NAA30: variants seen among roughly 807,000 people sequenced by gnomAD.
NAA30 encodes N-alpha-acetyltransferase 30.
NAA30 carries 5 observed loss-of-function variants against 31.4 expected under a neutral mutation model. The observed-to-expected ratio is 0.16, with a 90% confidence interval of 0.08 to 0.33. NAA30 has a LOEUF of 0.33. NAA30 is among the 10% of genes least tolerant of loss of function. The probability of loss-of-function intolerance (pLI) is 1.00; values close to 1 mark genes in which losing one functional copy is unlikely to be tolerated. For missense variants in NAA30, 428 were observed against 490.8 expected, an observed-to-expected ratio of 0.87 and a Z score of 1.21; for synonymous variants, 222 against 207.1, an observed-to-expected ratio of 1.07 and a Z score of -0.62.
At chr14:57,397,648 C>G (rs920945143) in intron 3 of NAA30, among the ~76,000 whole-genome samples, 3 of 152,164 alleles carry the variant, frequency 2.0e-5, no homozygotes, top group Non-Finnish European at 4.4e-5. Context: ...CACCAGGTGC[C>G]GGGTGCGGTG....
At chr14:57,398,114 G>A (rs2066459084) in intron 3 of NAA30, among the ~76,000 whole-genome samples, 2 of 152,184 alleles carry the variant, frequency 1.3e-5, no homozygotes, top group Admixed American at 6.5e-5. Context: ...ACTATTAAGT[G>A]TTATTGTCCA....
At position 57,414,518 on chromosome 14, in the gene NAA30, T is replaced by A. The variant is rs1445399897; in HGVS notation, c.*5002T>A. 6.6e-6 allele frequency: 1 copy of A among 152,228 alleles called. No individual in the cohort carries two copies. Among genetic ancestry groups the A allele is most frequent in the African/African-American group, 2.4e-5 (1 of 41,452 alleles). The allele number at this position is 152,228 out of a possible 1,614,324, so 9.4% of individuals were successfully genotyped here. On this transcript the variant is annotated 3_prime_UTR_variant, in exon 5 of 5. Transcript: ENST00000556492. ...AGTTGGCTCTAATAATTTCTCATTT[T>A]TGATGAATTTGAAATCATTTCACTT...
At chr14:57,406,182 A>G (rs2066497588) in intron 4 of NAA30, among the ~76,000 whole-genome samples, 1 of 152,188 alleles carries the variant, frequency 6.6e-6, no homozygotes, top group Non-Finnish European at 1.5e-5. Context: ...TAGATTAGAC[A>G]TTGGTGTAAC....
intron 2 of NAA30, among the ~76,000 whole-genome samples, chr14:57,394,765 A>G (rs1051530272): frequency 3.9e-5 from 6 of 152,168 alleles, no homozygotes; most frequent in African/African-American, 1.4e-4. Flanking sequence ...ATTCCTGTTC[A>G]GATTGAAAGT....
At chr14:57,403,551 A>AT (rs2066486082) in intron 4 of NAA30, among the ~76,000 whole-genome samples, 1 of 152,192 alleles carries the variant, frequency 6.6e-6, no homozygotes, top group Non-Finnish European at 1.5e-5. Flanking sequence ...TAGCTAAAAA[A>AT]TTTTTTCATT....
At chr14:57,403,289 A>G (rs902662939) in intron 4 of NAA30, among the ~76,000 whole-genome samples, 12 of 150,432 alleles carry the variant, frequency 8.0e-5, no homozygotes, top group East Asian at 1.9e-4. Flanking sequence ...TACTGTGCAC[A>G]TCAAACAATT....
chr14:57,399,589 A>G (rs1245065246), intron 3 of NAA30, among the ~76,000 whole-genome samples: 1 of 152,188 alleles, frequency 6.6e-6, no homozygotes, highest in Non-Finnish European at 1.5e-5. Context: ...ATTATGTCTG[A>G]GAAAAAGGAG....
chr14:57,392,312 G>T (rs897275028), intron 2 of NAA30, among the ~76,000 whole-genome samples: 4 of 152,076 alleles, frequency 2.6e-5, no homozygotes, highest in African/African-American at 7.2e-5. Flanking sequence ...TCCAGAAAGC[G>T]CTACTAACAC....
chr14:57,395,984 TC>T (rs1167968547), intron 2 of NAA30, among the ~76,000 whole-genome samples: 1 of 152,224 alleles, frequency 6.6e-6, no homozygotes, highest in East Asian at 1.9e-4. Flanking sequence ...TTCATTTTTT[TC>T]TTTTATTGAG....
At position 57,414,477 on chromosome 14, in the gene NAA30, C is replaced by T. The variant is rs938422113; in HGVS notation, c.*4961C>T. 2 of 152,096 alleles carry T rather than the reference C, an allele frequency of 1.3e-5. No individual in the cohort carries two copies. Among genetic ancestry groups the T allele is most frequent in the African/African-American group, 2.4e-5 (1 of 41,400 alleles). The allele number at this position is 152,096 out of a possible 1,614,324, so 9.4% of individuals were successfully genotyped here. Reference sequence around the variant, plus strand: ...TTCTGATGAGACTTACCTTTTTAGCCTTAAAATATTTGTATAGTTGGCTCT... The same window carrying T: ...TTCTGATGAGACTTACCTTTTTAGCTTTAAAATATTTGTATAGTTGGCTCT... On this transcript the variant is annotated 3_prime_UTR_variant, in exon 5 of 5. Coordinates refer to ENST00000556492, the MANE Select transcript of NAA30 (RefSeq NM_001011713.3).
intron 3 of NAA30, among the ~76,000 whole-genome samples, chr14:57,397,318 T>C (rs2066454892): frequency 6.6e-6 from 1 of 152,228 alleles, no homozygotes; most frequent in Non-Finnish European, 1.5e-5. Flanking sequence ...TCATCAACTA[T>C]ATATTGCAAT....
chr14:57,411,749 AT>A lies in NAA30; in HGVS notation c.*2238del, dbSNP rs1433402556. On this transcript the variant is annotated 3_prime_UTR_variant, in exon 5 of 5. Transcript: ENST00000556492. Reference sequence around the variant, plus strand: ...TGTCTTTAATTGGGTATGCAAAAAAATTTTTACTTAAGTAGATTAAAATTTT... The same window carrying A: ...TGTCTTTAATTGGGTATGCAAAAAAATTTTACTTAAGTAGATTAAAATTTT... The A allele has an allele frequency of 6.6e-6, 1 of 152,156 alleles. No individual in the cohort carries two copies. Among genetic ancestry groups the A allele is most frequent in the Non-Finnish European group, 1.5e-5 (1 of 67,998 alleles). The allele number at this position is 152,156 out of a possible 1,614,324, so 9.4% of individuals were successfully genotyped here. A position where few individuals can be genotyped will look rare whatever the true frequency, so the allele number is the denominator to read the frequency against.
chr14:57,408,510 C>G (rs1271804772), intron 4 of NAA30, among the ~76,000 whole-genome samples: 1 of 152,182 alleles, frequency 6.6e-6, no homozygotes, highest in East Asian at 1.9e-4. Context: ...CAGTGGTTCT[C>G]AAAATGTGGT....
In NAA30 at chr14:57,410,525, G is replaced by A. The variant is rs989717247; in HGVS notation, c.*1009G>A. ...GTAGCTGAATTTGTTTTTCCCACTT[G>A]ATTTGGATTCACATTGCTTTCATTT... On this transcript the variant is annotated 3_prime_UTR_variant, in exon 5 of 5. Transcript: ENST00000556492. 6.6e-6 allele frequency: 1 copy of A among 152,388 alleles called. No homozygotes were observed. The highest frequency in any genetic ancestry group is 2.4e-5 in the African/African-American group (1 of 41,432). 9.4% of individuals were successfully genotyped at this position (152,388 alleles called of 1,614,324 possible). A position where few individuals can be genotyped will look rare whatever the true frequency, so the allele number is the denominator to read the frequency against.
intron 4 of NAA30, among the ~76,000 whole-genome samples, chr14:57,401,839 C>G (rs1481645383): frequency 1.3e-5 from 2 of 152,120 alleles, no homozygotes; most frequent in African/African-American, 2.4e-5. Flanking sequence ...GTTTTGGTCT[C>G]AAGGTTAAAT....
rs1672688172 is a variant in NAA30, at chr14:57,415,157, C to A, written c.*5641C>A. 1 of 152,100 alleles carries A rather than the reference C, an allele frequency of 6.6e-6. No homozygotes were observed. Among genetic ancestry groups the A allele is most frequent in the Non-Finnish European group, 1.5e-5 (1 of 68,020 alleles). 9.4% of individuals were successfully genotyped at this position (152,100 alleles called of 1,614,324 possible). A position where few individuals can be genotyped will look rare whatever the true frequency, so the allele number is the denominator to read the frequency against. On this transcript the variant is annotated 3_prime_UTR_variant, in exon 5 of 5. Transcript: ENST00000556492. ...TACCATATACTAGGAGAAGGACCTG[C>A]TTTTAAAGAAATTGTGTAAAGACAT...
At position 57,410,756 on chromosome 14, in the gene NAA30, T is replaced by A. The variant is rs557325107; in HGVS notation, c.*1240T>A. The A allele has an allele frequency of 6.6e-6, 1 of 152,650 alleles. No homozygotes were observed. Among genetic ancestry groups the A allele is most frequent in the South Asian group, 2.1e-4 (1 of 4,832 alleles). 9.5% of individuals were successfully genotyped at this position (152,650 alleles called of 1,614,324 possible). A position where few individuals can be genotyped will look rare whatever the true frequency, so the allele number is the denominator to read the frequency against. On this transcript the variant is annotated 3_prime_UTR_variant, in exon 5 of 5. Transcript: ENST00000556492. ...GGGTTTTCTTAACAGCCACCATGTT[T>A]ATTAGTTACATTGTGTTTTGGCCAA...
rs530138470 is a variant in NAA30 at position 57,391,962 on chromosome 14, C to G, written c.771+234C>G. 4.9e-4 allele frequency among the ~76,000 whole-genome samples: 74 copies of G among 152,238 alleles called. No individual in the cohort carries two copies. The highest frequency in any genetic ancestry group is 1.8e-3 in the African/African-American group (73 of 41,544). On this transcript the variant is annotated intron_variant, in intron 2 of 4. Coordinates refer to ENST00000556492, the MANE Select transcript of NAA30 (RefSeq NM_001011713.3). This position sits in a 1 kb window ranked among gnomAD's most constrained non-coding sequence, Gnocchi z 4.1. ...TAACTGCAGCAAGCCTGTATGGTGG[C>G]GTGTTTCACTGGGGTGGGGGTCTTG...
chr14:57,404,607 A>G (rs907020616), intron 4 of NAA30, among the ~76,000 whole-genome samples: 2 of 152,192 alleles, frequency 1.3e-5, no homozygotes, highest in Non-Finnish European at 2.9e-5. Flanking sequence ...CATTGCTGAT[A>G]AAGACATACC....
Sources: gnomAD v4.1 joint callset for allele counts (sites outside exome capture counted in the v4.1 genomes callset) on GRCh38, gnomAD v4.1.1 for gene constraint, Gnocchi (gnomAD v3.1) non-coding constraint, MANE v1.5 for transcripts, NCBI Gene and HGNC (gene_info 2026-07-23, HGNC 2026-07-21) for gene names.